Variants in PCDHA7 observed in about 807,000 individuals in gnomAD.
PCDHA7 encodes the protein protocadherin alpha-7.
In PCDHA7, 37 loss-of-function variants were observed where a neutral mutation model predicts 57.2. The ratio of observed to expected loss-of-function variants is 0.65; its 90% CI spans 0.50 to 0.85. PCDHA7 has a LOEUF of 0.85. Ranked by LOEUF, PCDHA7 falls within the 40% of genes least tolerant of loss-of-function variation. The pLI is 0.00. For missense variants in PCDHA7, 1,188 were observed against 1,241.8 expected (o/e 0.96, Z 0.65); for synonymous variants, 553 against 558.8 (o/e 0.99, Z 0.15).
rs773891459 is a variant in PCDHA7, at chr5:140,856,191, C to T, written c.2355+19453C>T. The T allele has an allele frequency of 7.5e-6, 12 of 1,598,058 alleles. No homozygotes were observed. The South Asian group carries it at 1.2e-4, about 16-fold the overall frequency. On this transcript the variant is annotated intron_variant, in intron 1 of 3. Transcript: ENST00000525929. ...CACGGCACCTTCGTGGGCCGCATCG[C>T]GCAGGACCTGGGGCTGGAGCTGGCG...
At chr5:140,920,133 C>T (rs1463322279) in intron 1 of PCDHA7, among the ~76,000 whole-genome samples, 1 of 152,178 alleles carries the variant, frequency 6.6e-6, no homozygotes, top group African/African-American at 2.4e-5. Flanking sequence ...AGTTTTAATT[C>T]TCCTCTCCAA....
chr5:140,848,405 C>T, intron 1 of PCDHA7: 2 of 1,329,956 alleles, frequency 1.5e-6, no homozygotes, highest in Non-Finnish European at 2.1e-6. Flanking sequence ...TGAACGATGG[C>T]GAACACAGCA....
At chr5:140,883,577 G>A (rs782633953) in intron 1 of PCDHA7, 3 of 1,614,052 alleles carry the variant, frequency 1.9e-6, no homozygotes, top group Non-Finnish European at 2.5e-6. Context: ...TTCGCTGTGG[G>A]CCACGGCCAG....
At chr5:140,889,121 G>A (rs2062113098) in intron 1 of PCDHA7, among the ~76,000 whole-genome samples, 1 of 151,724 alleles carries the variant, frequency 6.6e-6, no homozygotes, top group East Asian at 1.9e-4. Flanking sequence ...AGGTGATACT[G>A]ATATGTCCTA....
chr5:140,853,444 A>G, intron 1 of PCDHA7: 1 of 982,390 alleles, frequency 1.0e-6, no homozygotes, highest in Non-Finnish European at 1.2e-6. Context: ...TATTTTGCCT[A>G]ATAGGTCTCC....
chr5:140,870,562 G>T (rs1554164416), intron 1 of PCDHA7: 1 of 1,613,996 alleles, frequency 6.2e-7, no homozygotes, highest in Non-Finnish European at 8.5e-7. Context: ...GCAGGAGAAC[G>T]CGCTGGTGTC....
chr5:140,883,302 A>G, intron 1 of PCDHA7: 1 of 1,614,110 alleles, frequency 6.2e-7, no homozygotes, highest in Non-Finnish European at 8.5e-7. Flanking sequence ...GATGTAAATG[A>G]TAACGCCCCA....
At chr5:140,995,647 A>G (rs1419237450) in intron 3 of PCDHA7, among the ~76,000 whole-genome samples, 2 of 152,202 alleles carry the variant, frequency 1.3e-5, no homozygotes, top group African/African-American at 4.8e-5. Context: ...TTAGAAAAGG[A>G]GAATCGAAAA....
chr5:140,835,158 A>G lies in PCDHA7; in HGVS notation c.775A>G (p.Thr259Ala). 6.9e-7 allele frequency: 1 copy of G among 1,455,544 alleles called. No homozygotes were observed. The highest frequency in any genetic ancestry group is 9.3e-7 in the Non-Finnish European group (1 of 1,075,780). The allele number at this position is 1,455,544 out of a possible 1,614,324, so 90.2% of individuals were successfully genotyped here. A position where few individuals can be genotyped will look rare whatever the true frequency, so the allele number is the denominator to read the frequency against. The change falls in exon 1 of 4, where the codon ACG (threonine) becomes GCG (alanine). Residue 259 changes from threonine to alanine, a missense_variant. Transcript: ENST00000525929. ...ATTACCAGAAAACGTTTCTATCGGA[A>G]CGCTGGTGATTCACCCCAATGCCTC... ...VKLPENVSIG[T>A]LVIHPNASDL...
chr5:140,931,864 T>G (rs1554208617), intron 1 of PCDHA7, among the ~76,000 whole-genome samples: 1 of 151,976 alleles, frequency 6.6e-6, no homozygotes, highest in African/African-American at 2.4e-5. Flanking sequence ...ATTCTAGAAA[T>G]AAAATATTTA....
chr5:140,920,137 T>C (rs182001221), intron 1 of PCDHA7, among the ~76,000 whole-genome samples: 29 of 152,242 alleles, frequency 1.9e-4, no homozygotes, highest in Admixed American at 1.8e-3. Flanking sequence ...TTAATTCTCC[T>C]CTCCAAACCT....
rs781982422 is a variant in PCDHA7 at position 140,871,325 on chromosome 5, C to T, written c.2355+34587C>T. 4 of 1,613,988 alleles carry T rather than the reference C, an allele frequency of 2.5e-6. No individual in the cohort carries two copies. Among genetic ancestry groups the T allele is most frequent in the Non-Finnish European group, 3.4e-6 (4 of 1,180,038 alleles). On this transcript the variant is annotated intron_variant, in intron 1 of 3. Coordinates refer to ENST00000525929, the MANE Select transcript of PCDHA7 (RefSeq NM_018910.3). ...CCGGGGAAGCCCACGCTGGTGTGCTCCCGCGCGGTGGGGAGCTGGTCATAC... is the reference window on the plus strand; with the variant it reads ...CCGGGGAAGCCCACGCTGGTGTGCTTCCGCGCGGTGGGGAGCTGGTCATAC...
chr5:140,842,435 A>G (rs2150336163), intron 1 of PCDHA7: 10 of 1,613,586 alleles, frequency 6.2e-6, no homozygotes, highest in Admixed American at 5.0e-5. Context: ...CATCGCCCTA[A>G]TTAGCGTGAA....
intron 1 of PCDHA7, chr5:140,930,452 G>A (rs2086853363): frequency 6.6e-6 from 1 of 151,826 alleles, no homozygotes; most frequent in Non-Finnish European, 1.5e-5. Flanking sequence ...CAAACTCCTA[G>A]CCTCAAGTGA....
chr5:140,957,014 G>A (rs2095325954), intron 1 of PCDHA7, among the ~76,000 whole-genome samples: 1 of 152,124 alleles, frequency 6.6e-6, no homozygotes, highest in South Asian at 2.1e-4. Flanking sequence ...ATTTCTCAGT[G>A]AGCATTTAGA....
chr5:140,993,291 C>A (rs961103629), intron 3 of PCDHA7, among the ~76,000 whole-genome samples: 6 of 152,068 alleles, frequency 3.9e-5, no homozygotes, highest in African/African-American at 1.4e-4. Flanking sequence ...CCCAGGGTCA[C>A]AACCTTGCCT....
intron 1 of PCDHA7, chr5:140,870,984 G>T (rs1554164960): frequency 3.7e-6 from 6 of 1,613,520 alleles, no homozygotes; most frequent in Non-Finnish European, 8.5e-7. Context: ...GGCTGTACAC[G>T]GGCGAGATAA....
chr5:140,854,175 A>AAAAGAGT, intron 1 of PCDHA7: 1 of 674,398 alleles, frequency 1.5e-6, no homozygotes, highest in Non-Finnish European at 1.8e-6. Context: ...AAAAAAAAAA[A>AAAAGAGT]AGAGTAGTTT....
chr5:140,926,798 C>G, intron 1 of PCDHA7: 2 of 1,455,342 alleles, frequency 1.4e-6, no homozygotes, highest in Non-Finnish European at 1.8e-6. Flanking sequence ...GGAGCGTGCT[C>G]TTCCCCGCGG....
Sources: allele counts gnomAD v4.1 joint callset (sites outside exome capture counted in the v4.1 genomes callset), GRCh38; gene constraint gnomAD v4.1.1; transcripts MANE v1.5; gene names NCBI Gene and HGNC (gene_info 2026-07-23, HGNC 2026-07-21).